The following RBFOX1 variants were observed in gnomAD, a reference collection of about 807,000 sequenced individuals.
RBFOX1 encodes RNA binding protein fox-1 homolog 1.
Under a neutral mutation model 57.7 loss-of-function variants are expected in RBFOX1, and 8 were observed. The ratio of observed to expected loss-of-function variants is 0.14; its 90% confidence interval spans 0.08 to 0.25. The LOEUF is 0.25. RBFOX1 is among the 10% of genes least tolerant of loss of function. The probability of loss-of-function intolerance (pLI) is 1.00; values close to 1 mark genes in which losing one functional copy is unlikely to be tolerated. For synonymous variants in RBFOX1, 326 were observed against 222.4 expected, an observed-to-expected ratio of 1.47 and a Z score of -4.15; for missense variants, 611 against 548.5, an observed-to-expected ratio of 1.11 and a Z score of -1.14.
chr16:7,682,823 G>C (rs1228436190), intron 14 of RBFOX1, among the ~76,000 whole-genome samples: 1 of 149,304 alleles, frequency 6.7e-6, no homozygotes, highest in Non-Finnish European at 1.5e-5. Flanking sequence ...TTTCCTAACA[G>C]ATCCATTTTG....
intron 2 of RBFOX1, among the ~76,000 whole-genome samples, chr16:6,500,511 C>T (rs911652433): frequency 3.3e-5 from 5 of 152,128 alleles, no homozygotes; most frequent in African/African-American, 1.2e-4. Flanking sequence ...TCAACTTTTG[C>T]AGAAATATGA....
intron 4 of RBFOX1, among the ~76,000 whole-genome samples, chr16:7,517,138 C>CATGTGTGTGTGTGT (rs1354039473): frequency 9.2e-5 from 12 of 130,220 alleles, no homozygotes; most frequent in Admixed American, 8.5e-4. Context: ...TTTCTTATGC[C>CATGTGTGTGTGTGT]GTGTGTGTGT....
intron 4 of RBFOX1, among the ~76,000 whole-genome samples, chr16:7,114,434 T>G (rs2065446297): frequency 1.3e-5 from 2 of 152,172 alleles, no homozygotes; most frequent in Admixed American, 6.5e-5. Context: ...GGCACAGAAA[T>G]GTACCGTGCA....
At chr16:5,391,910 C>T (rs1214206676) in intron 1 of RBFOX1, among the ~76,000 whole-genome samples, 1 of 151,234 alleles carries the variant, frequency 6.6e-6, no homozygotes, top group Non-Finnish European at 1.5e-5. Context: ...CACACACACG[C>T]ACACACATAT....
chr16:6,466,530 G>A (rs1307997507), intron 2 of RBFOX1, among the ~76,000 whole-genome samples: 1 of 152,120 alleles, frequency 6.6e-6, no homozygotes, highest in Non-Finnish European at 1.5e-5. Flanking sequence ...CCTTAGATAT[G>A]TATGAATTCA....
chr16:5,633,422 T>C (rs1306219772), intron 3 of RBFOX1, among the ~76,000 whole-genome samples: 1 of 152,224 alleles, frequency 6.6e-6, no homozygotes, highest in Non-Finnish European at 1.5e-5. Flanking sequence ...AGTGGTGATT[T>C]CTGAGATTTT....
At chr16:7,323,599 C>T (rs565832006) in intron 4 of RBFOX1, among the ~76,000 whole-genome samples, 94 of 152,346 alleles carry the variant, frequency 6.2e-4, no homozygotes, top group Non-Finnish European at 1.2e-3. Flanking sequence ...AACTCTACGG[C>T]CTTGGCCAAT....
chr16:7,329,800 G>A (rs914578451), intron 4 of RBFOX1, among the ~76,000 whole-genome samples: 1 of 152,166 alleles, frequency 6.6e-6, no homozygotes, highest in African/African-American at 2.4e-5. Context: ...GTATCATGGC[G>A]TTCTTAAGAA....
At chr16:6,247,019 G>A (rs556547092) in intron 1 of RBFOX1, among the ~76,000 whole-genome samples, 16 of 152,206 alleles carry the variant, frequency 1.1e-4, no homozygotes, top group East Asian at 1.9e-4. Context: ...GTGGTGAGTC[G>A]AGATTGCACC....
chr16:6,620,705 A>T (rs1341868789), intron 2 of RBFOX1, among the ~76,000 whole-genome samples: 1 of 152,192 alleles, frequency 6.6e-6, no homozygotes, highest in Non-Finnish European at 1.5e-5. Flanking sequence ...ACAAACAACC[A>T]TCACAAGATT....
intron 1 of RBFOX1, among the ~76,000 whole-genome samples, chr16:6,210,361 CAAAAAA>C (rs3064933): frequency 3.3e-5 from 2 of 61,454 alleles, no homozygotes; most frequent in African/African-American, 4.6e-5. Context: ...AAAAAAACAC[CAAAAAA>C]AAAAAAAAAA....
intron 1 of RBFOX1, among the ~76,000 whole-genome samples, chr16:6,046,968 A>C (rs983385126): frequency 1.3e-5 from 2 of 152,176 alleles, no homozygotes; most frequent in Non-Finnish European, 1.5e-5. Flanking sequence ...TTGGGGAAGA[A>C]AGACATGTGC....
chr16:7,152,484 C>T (rs1191657945), intron 4 of RBFOX1, among the ~76,000 whole-genome samples: 1 of 152,122 alleles, frequency 6.6e-6, no homozygotes, highest in African/African-American at 2.4e-5. Context: ...TTTATTTCAA[C>T]TAGGATCTTT....
At position 6,859,114 on chromosome 16, in the gene RBFOX1, TATATATATATATATAC is replaced by T. The variant is rs1160119778; in HGVS notation, c.-15-192933_-15-192918del. Among the ~76,000 whole-genome samples the T allele has an allele frequency of 5.6e-4, 39 of 69,266 alleles. 1 individual carries two copies. Among genetic ancestry groups the T allele is most frequent in the African/African-American group, 3.4e-3 (36 of 10,602 alleles). The allele number at this position is 69,266 out of a possible 152,430, so 45.4% of individuals were successfully genotyped here. On this transcript the variant is annotated intron_variant, in intron 3 of 15. Transcript: ENST00000550418. ...GTTGTATTGTCCTAAAAAAAGTGTA[TATATATATATATATAC>T]ATATATATACGTATATATATATGTA...
chr16:6,243,403 G>C (rs946623588), intron 1 of RBFOX1, among the ~76,000 whole-genome samples: 1 of 152,144 alleles, frequency 6.6e-6, no homozygotes, highest in African/African-American at 2.4e-5. Context: ...TTCCAATAAT[G>C]CCTGTTATAA....
intron 2 of RBFOX1, among the ~76,000 whole-genome samples, chr16:6,471,398 T>C (rs1358474854): frequency 1.3e-5 from 2 of 152,182 alleles, no homozygotes; most frequent in East Asian, 3.9e-4. Context: ...TACTAGTTTC[T>C]ATTATAATAC....
At chr16:7,139,168 A>ATG (rs2072893689) in intron 4 of RBFOX1, among the ~76,000 whole-genome samples, 2 of 139,408 alleles carry the variant, frequency 1.4e-5, no homozygotes, top group Non-Finnish European at 3.1e-5. Flanking sequence ...GATGAAATCA[A>ATG]TCTCTCTCTG....
chr16:6,953,678 TGCCCA>T (rs2081221880), intron 3 of RBFOX1, among the ~76,000 whole-genome samples: 1 of 152,206 alleles, frequency 6.6e-6, no homozygotes, highest in South Asian at 2.1e-4. Flanking sequence ...TGAGCCACAG[TGCCCA>T]GCCTCACACG....
At position 7,676,827 on chromosome 16, in the gene RBFOX1, C is replaced by T. The variant is rs1312874997; in HGVS notation, c.984C>T (p.Ala328=). ...YAQPTPATAA[A]YSDSYGRVYA... ...AGCCTACCCCTGCCACTGCCGCTGC[C>T]TACAGTGACAGGTAAGGGTCATCCT... Residue 328 remains alanine (A), a synonymous_variant, in exon 14 of 16, where the codon GCC becomes GCT. Transcript: ENST00000550418. The T allele has an allele frequency of 6.2e-7, 1 of 1,612,910 alleles. No individual in the cohort carries two copies. The highest frequency in any genetic ancestry group is 2.2e-5 in the East Asian group (1 of 44,824).
Sources: gnomAD v4.1 joint callset for allele counts (sites outside exome capture counted in the v4.1 genomes callset) on GRCh38, gnomAD v4.1.1 for gene constraint, MANE v1.5 for transcripts, NCBI Gene and HGNC (gene_info 2026-07-23, HGNC 2026-07-21) for gene names.